Variants in XKR4 observed in about 807,000 individuals in gnomAD.
XKR4 encodes the protein XK related 4.
A neutral mutation model predicts 53.9 loss-of-function variants in XKR4; 12 were observed. That is an observed-to-expected ratio of 0.22 (90% CI 0.14 to 0.36). XKR4 has a LOEUF of 0.36. Ranked by LOEUF, XKR4 falls within the 10% of genes least tolerant of loss-of-function variation. The pLI is 1.00. For missense variants in XKR4, 799 were observed against 859.5 expected (o/e 0.93, Z 0.88); for synonymous variants, 354 against 362.4 (o/e 0.98, Z 0.26).
intron 2 of XKR4, chr8:55,449,560 G>A (rs1423196459): frequency 6.7e-7 from 1 of 1,485,236 alleles, no homozygotes; most frequent in East Asian, 2.3e-5. Flanking sequence ...GCTGGGCTGA[G>A]GGCACGTCCT....
chr8:55,523,780 C>G lies in XKR4; in HGVS notation c.1506C>G (p.Gly502=). ...LCVVFSSFLT[G]VVFMLMYYAF... is the part of the protein sequence containing the mutation. Reference sequence around the variant, plus strand: ...TGGTGTTCAGCAGCTTTTTAACTGGCGTTGTTTTTATGCTGATGTATTATG... The same window carrying G: ...TGGTGTTCAGCAGCTTTTTAACTGGGGTTGTTTTTATGCTGATGTATTATG... The change falls in exon 3 of 3, where the codon GGC becomes GGG. Residue 502 remains glycine, a synonymous_variant. Transcript: ENST00000327381. 1 of 1,614,122 alleles carries G rather than the reference C, an allele frequency of 6.2e-7. No homozygotes were observed. The highest frequency in any genetic ancestry group is 8.5e-7 in the Non-Finnish European group (1 of 1,180,028).
At chr8:55,385,759 CATTAGAAA>C in intron 2 of XKR4, among the ~76,000 whole-genome samples, 1 of 152,252 alleles carries the variant, frequency 6.6e-6, no homozygotes, top group African/African-American at 2.4e-5. Flanking sequence ...GTACATAGCA[CATTAGAAA>C]TACATTGCAC....
At chr8:55,189,378 G>A (rs958222353) in intron 1 of XKR4, among the ~76,000 whole-genome samples, 7 of 152,088 alleles carry the variant, frequency 4.6e-5, no homozygotes, top group East Asian at 3.9e-4. Context: ...AATGAACGGC[G>A]GGGATACATT....
chr8:55,179,111 G>A (rs1326631199), intron 1 of XKR4, among the ~76,000 whole-genome samples: 1 of 152,032 alleles, frequency 6.6e-6, no homozygotes. Flanking sequence ...GAGATTGATT[G>A]GTATGGAGTC....
At chr8:55,334,271 A>G (rs186578341) in intron 1 of XKR4, among the ~76,000 whole-genome samples, 1 of 152,176 alleles carries the variant, frequency 6.6e-6, no homozygotes, top group Non-Finnish European at 1.5e-5. Context: ...TATGGGGTAA[A>G]TGACTTCACA....
chr8:55,454,307 C>T (rs1348766109), intron 2 of XKR4: 1 of 1,469,174 alleles, frequency 6.8e-7, no homozygotes, highest in Non-Finnish European at 9.5e-7. Flanking sequence ...CGCATTGACC[C>T]CGATTATGAA....
At chr8:55,509,727 G>C (rs1269513536) in intron 2 of XKR4, among the ~76,000 whole-genome samples, 1 of 152,136 alleles carries the variant, frequency 6.6e-6, no homozygotes, top group East Asian at 1.9e-4. Flanking sequence ...GCTATCACAC[G>C]CCAAGTTTCT....
chr8:55,412,796 G>A (rs987756204), intron 2 of XKR4, among the ~76,000 whole-genome samples: 8 of 152,190 alleles, frequency 5.3e-5, no homozygotes, highest in Admixed American at 6.5e-5. Context: ...CAATTCCCGA[G>A]GAGCCTCACT....
chr8:55,194,980 T>A (rs1051347544), intron 1 of XKR4, among the ~76,000 whole-genome samples: 2 of 152,212 alleles, frequency 1.3e-5, no homozygotes, highest in Admixed American at 6.5e-5. Flanking sequence ...TGGGAACGTA[T>A]AATTTGGAAA....
intron 2 of XKR4, chr8:55,450,095 A>G: frequency 5.6e-6 from 4 of 715,500 alleles, no homozygotes; most frequent in Non-Finnish European, 7.7e-6. Flanking sequence ...ACGCGGTCCC[A>G]GGTGTCCTTC....
intron 2 of XKR4, 71 bp from the exon 3 acceptor site, chr8:55,523,210 C>G: frequency 7.3e-7 from 1 of 1,369,724 alleles, no homozygotes; most frequent in Non-Finnish European, 9.9e-7. Flanking sequence ...AAGCCCCCAG[C>G]TCTGTGTGAC....
chr8:55,143,522 A>G (rs971857980), intron 1 of XKR4, among the ~76,000 whole-genome samples: 1 of 152,222 alleles, frequency 6.6e-6, no homozygotes, highest in Admixed American at 6.5e-5. Context: ...AAGAGCCAAC[A>G]TCTGTGTAAT....
intron 1 of XKR4, among the ~76,000 whole-genome samples, chr8:55,325,489 T>C (rs1803279223): frequency 6.6e-6 from 1 of 152,176 alleles, no homozygotes; most frequent in Non-Finnish European, 1.5e-5. Flanking sequence ...TAATTTACCC[T>C]GCGGGGTCTT....
intron 1 of XKR4, among the ~76,000 whole-genome samples, chr8:55,324,440 G>A (rs535981077): frequency 1.3e-5 from 2 of 152,294 alleles, no homozygotes; most frequent in African/African-American, 4.8e-5. Context: ...CCTGGTTCTT[G>A]AATGTCATGT....
chr8:55,182,982 G>A (rs1172657061), intron 1 of XKR4, among the ~76,000 whole-genome samples: 2 of 151,962 alleles, frequency 1.3e-5, no homozygotes, highest in African/African-American at 4.8e-5. Flanking sequence ...GAGCATTTTG[G>A]TAGTTTATGT....
At chr8:55,214,710 G>T (rs1188826436) in intron 1 of XKR4, among the ~76,000 whole-genome samples, 3 of 152,144 alleles carry the variant, frequency 2.0e-5, no homozygotes, top group South Asian at 2.1e-4. Flanking sequence ...GAGTGGGCAG[G>T]GTTGCACTGA....
chr8:55,313,070 C>A (rs1288688570), intron 1 of XKR4, among the ~76,000 whole-genome samples: 1 of 152,060 alleles, frequency 6.6e-6, no homozygotes, highest in African/African-American at 2.4e-5. Flanking sequence ...CTGTTTTAAT[C>A]CTGTGTTTTA....
intron 2 of XKR4, among the ~76,000 whole-genome samples, chr8:55,508,464 C>G (rs994384641): frequency 6.6e-6 from 1 of 152,206 alleles, no homozygotes; most frequent in Non-Finnish European, 1.5e-5. Flanking sequence ...AGTCCCTACC[C>G]TCATGAATGC....
intron 2 of XKR4, among the ~76,000 whole-genome samples, chr8:55,513,900 G>A (rs988036499): frequency 1.3e-5 from 2 of 152,202 alleles, no homozygotes; most frequent in Non-Finnish European, 2.9e-5. Flanking sequence ...TTAGAAATGT[G>A]TCCACCAGTG....
Sources: allele counts gnomAD v4.1 joint callset (sites outside exome capture counted in the v4.1 genomes callset), GRCh38; gene constraint gnomAD v4.1.1; transcripts MANE v1.5; gene names NCBI Gene and HGNC (gene_info 2026-07-23, HGNC 2026-07-21).